DOCK1: variants seen among roughly 807,000 people sequenced by gnomAD.
DOCK1 encodes the protein dedicator of cytokinesis protein 1.
A neutral mutation model predicts 262.7 loss-of-function variants in DOCK1; 138 were observed. The ratio of observed to expected loss-of-function variants is 0.53; its 90% confidence interval spans 0.46 to 0.61. DOCK1 has a LOEUF of 0.61. DOCK1 is among the 20% of genes least tolerant of loss of function. DOCK1 has a pLI of 0.00. For synonymous variants in DOCK1, 866 were observed against 867.4 expected, an observed-to-expected ratio of 1.00 and a Z score of 0.03; for missense variants, 1,908 against 2,370.7, an observed-to-expected ratio of 0.80 and a Z score of 4.05.
At chr10:126,977,750 G>A (rs983505606) in intron 2 of DOCK1, among the ~76,000 whole-genome samples, 198 bp from the exon 3 acceptor site, 2 of 152,262 alleles carry the variant, frequency 1.3e-5, no homozygotes, top group South Asian at 2.1e-4. Flanking sequence ...GTTGCCAGCT[G>A]GGCTCCGGGT....
chr10:127,120,969 C>T (rs550406011), intron 25 of DOCK1, among the ~76,000 whole-genome samples: 19 of 152,266 alleles, frequency 1.2e-4, no homozygotes, highest in South Asian at 4.2e-4. Flanking sequence ...ACCTGGGAGA[C>T]GACCAACAGC....
At chr10:127,111,388 T>C (rs1384582194) in intron 25 of DOCK1, among the ~76,000 whole-genome samples, 1 of 152,184 alleles carries the variant, frequency 6.6e-6, no homozygotes, top group Non-Finnish European at 1.5e-5. Context: ...AGCCCCTCCA[T>C]GTAGACCTCT....
At chr10:127,449,426 A>G (rs2070811556) in intron 51 of DOCK1, among the ~76,000 whole-genome samples, 1 of 152,242 alleles carries the variant, frequency 6.6e-6, no homozygotes, top group African/African-American at 2.4e-5. Context: ...ACTCCGGGGT[A>G]ACATTTTATT....
chr10:127,052,910 C>T, intron 22 of DOCK1, 95 bp downstream of exon 22: 3 of 1,502,420 alleles, frequency 2.0e-6, no homozygotes, highest in Non-Finnish European at 1.8e-6. Context: ...CTTATTCTTT[C>T]CTTTCTTCTT....
Position 127,138,805 on chromosome 10 carries a change from A to G in DOCK1, c.2847+11041A>G, listed in dbSNP as rs565397752. Reference sequence around the variant, plus strand: ...AAGATGGTGTTAAAGATGATTTTTGAACTATGTTATTTCTTACAGCATTTC... The same window carrying G: ...AAGATGGTGTTAAAGATGATTTTTGGACTATGTTATTTCTTACAGCATTTC... On this transcript the variant is annotated intron_variant, in intron 27 of 51. Transcript: ENST00000623213. Among the ~76,000 whole-genome samples, 331 of 152,310 alleles carry G rather than the reference A, an allele frequency of 2.2e-3. 2 individuals carry two copies. The highest frequency in any genetic ancestry group is 3.4e-3 in the Middle Eastern group (1 of 294).
intron 48 of DOCK1, among the ~76,000 whole-genome samples, chr10:127,434,343 T>G (rs1027432848): frequency 1.3e-5 from 2 of 152,238 alleles, no homozygotes; most frequent in South Asian, 2.1e-4. Context: ...TTTAAAAAAT[T>G]TTGTTTTTGA....
chr10:127,360,573 G>A (rs2064368596), intron 32 of DOCK1, among the ~76,000 whole-genome samples: 1 of 152,212 alleles, frequency 6.6e-6, no homozygotes, highest in South Asian at 2.1e-4. Flanking sequence ...CCTTCTGGGG[G>A]CTTATTTAGC....
rs1199277333 is a variant in DOCK1 at position 127,114,823 on chromosome 10, C to A, written c.2623+4469C>A. Among the ~76,000 whole-genome samples the A allele has an allele frequency of 2.1e-5, 3 of 145,804 alleles. No homozygotes were observed. In the Admixed American group the frequency reaches 2.1e-4, roughly 10 times the overall value. On this transcript the variant is annotated intron_variant, in intron 25 of 51. Transcript: ENST00000623213. ...TCAGGCTGGAGTGCAGTGGCACGAA[C>A]TTGGCTCACTGCAACCTGTGCCTCC...
intron 1 of DOCK1, among the ~76,000 whole-genome samples, chr10:126,947,470 C>G (rs1235108741): frequency 1.3e-4 from 14 of 109,142 alleles, no homozygotes; most frequent in African/African-American, 4.6e-4. Context: ...GGTAGTATTA[C>G]TGTTGGTGGT....
chr10:126,942,935 T>C (rs1178673662), intron 1 of DOCK1, among the ~76,000 whole-genome samples: 1 of 152,186 alleles, frequency 6.6e-6, no homozygotes, highest in Non-Finnish European at 1.5e-5. Flanking sequence ...GATTTCTTTT[T>C]CTTGTTCATC....
intron 13 of DOCK1, among the ~76,000 whole-genome samples, chr10:127,019,999 A>G (rs1168702933): frequency 1.3e-5 from 2 of 152,150 alleles, no homozygotes; most frequent in East Asian, 1.9e-4. Flanking sequence ...ACTTCAAGAC[A>G]CATTCTTTCT....
intron 27 of DOCK1, among the ~76,000 whole-genome samples, chr10:127,217,705 GA>G (rs2058273406): frequency 6.6e-6 from 1 of 152,124 alleles, no homozygotes; most frequent in Admixed American, 6.5e-5. Context: ...ACATTTATCT[GA>G]AAAACATGCC....
chr10:127,406,124 G>T (rs1265630664), intron 40 of DOCK1, among the ~76,000 whole-genome samples: 2 of 152,162 alleles, frequency 1.3e-5, no homozygotes, highest in Admixed American at 1.3e-4. Context: ...GCAGCCTTGT[G>T]CAGTGCTTGG....
intron 40 of DOCK1, among the ~76,000 whole-genome samples, chr10:127,405,928 T>G (rs1428449775): frequency 6.6e-6 from 1 of 152,190 alleles, no homozygotes; most frequent in East Asian, 1.9e-4. Flanking sequence ...TAAAGGAGGC[T>G]TAGTTACAAG....
At chr10:127,213,518 A>G (rs2058071562) in intron 27 of DOCK1, among the ~76,000 whole-genome samples, 1 of 152,202 alleles carries the variant, frequency 6.6e-6, no homozygotes, top group African/African-American at 2.4e-5. Flanking sequence ...AAAGAGATTG[A>G]TCACGTGAGA....
intron 27 of DOCK1, among the ~76,000 whole-genome samples, chr10:127,138,822 C>T (rs1344826752): frequency 6.6e-6 from 1 of 152,210 alleles, no homozygotes; most frequent in Non-Finnish European, 1.5e-5. Flanking sequence ...TTATTTCTTA[C>T]AGCATTTCTC....
intron 23 of DOCK1, among the ~76,000 whole-genome samples, chr10:127,089,192 G>T (rs766235987): frequency 1.3e-5 from 2 of 152,058 alleles, no homozygotes; most frequent in Non-Finnish European, 1.5e-5. Context: ...CTTGTCCCTG[G>T]ACCCCTCCCG....
chr10:127,265,545 T>C (rs1467120182), intron 29 of DOCK1, among the ~76,000 whole-genome samples: 1 of 152,186 alleles, frequency 6.6e-6, no homozygotes. Flanking sequence ...GATTCATCCT[T>C]CTTTCAACCA....
intron 27 of DOCK1, among the ~76,000 whole-genome samples, chr10:127,178,892 G>A (rs555162269): frequency 7.9e-5 from 12 of 152,286 alleles, no homozygotes; most frequent in African/African-American, 2.9e-4. Flanking sequence ...ACAGCTTGGT[G>A]TGGGGGACAG....
Sources: gnomAD v4.1 joint callset for allele counts (sites outside exome capture counted in the v4.1 genomes callset) on GRCh38, gnomAD v4.1.1 for gene constraint, MANE v1.5 for transcripts, NCBI Gene and HGNC (gene_info 2026-07-23, HGNC 2026-07-21) for gene names.